The following LHPP variants were observed in gnomAD, a reference collection of about 807,000 sequenced individuals.
The protein encoded by LHPP is phospholysine phosphohistidine inorganic pyrophosphate phosphatase.
Under a neutral mutation model 30.3 loss-of-function variants are expected in LHPP, and 24 were observed. That is an observed-to-expected ratio of 0.79 (90% confidence interval 0.57 to 1.11). The LOEUF is 1.11. Among genes scored for constraint, LHPP ranks in the 50% most tolerant of loss-of-function variants. The pLI, the probability that LHPP is intolerant of heterozygous loss-of-function variation, is 0.00. For missense variants in LHPP, 356 were observed against 367.2 expected (o/e 0.97, Z 0.25); for synonymous variants, 150 against 157.1 (o/e 0.95, Z 0.34).
chr10:124,562,463 G>C (rs933167674), intron 6 of LHPP, among the ~76,000 whole-genome samples: 2 of 152,280 alleles, frequency 1.3e-5, no homozygotes, highest in Non-Finnish European at 1.5e-5. Context: ...GAACTTGAAG[G>C]CAGGAAAATA....
At chr10:124,535,487 G>A (rs1226545566) in intron 6 of LHPP, among the ~76,000 whole-genome samples, 1 of 152,088 alleles carries the variant, frequency 6.6e-6, no homozygotes, top group Non-Finnish European at 1.5e-5. Flanking sequence ...CTGCAGCCTC[G>A]ACTTCTGATG....
chr10:124,542,375 A>G (rs1955218386), intron 6 of LHPP, among the ~76,000 whole-genome samples: 1 of 152,204 alleles, frequency 6.6e-6, no homozygotes, highest in Non-Finnish European at 1.5e-5. Flanking sequence ...CTCCACCTAC[A>G]GGTGAGGGCA....
chr10:124,578,105 C>T (rs936730296), intron 6 of LHPP, among the ~76,000 whole-genome samples: 2 of 152,224 alleles, frequency 1.3e-5, no homozygotes, highest in African/African-American at 2.4e-5. Context: ...CTGAGTCGCT[C>T]TTCCTCCCAT....
chr10:124,513,573 G>A (rs879852768), intron 5 of LHPP, among the ~76,000 whole-genome samples: 6 of 138,278 alleles, frequency 4.3e-5, no homozygotes, highest in South Asian at 2.2e-4. Flanking sequence ...CAAGCAATTC[G>A]TGTGCCTCAG....
At chr10:124,574,107 C>T (rs1163543457) in intron 6 of LHPP, among the ~76,000 whole-genome samples, 1 of 152,130 alleles carries the variant, frequency 6.6e-6, no homozygotes, top group East Asian at 1.9e-4. Flanking sequence ...AGTTCTGCCT[C>T]CCATAGACCA....
chr10:124,597,761 G>A (rs940540377), intron 6 of LHPP, among the ~76,000 whole-genome samples: 4 of 152,214 alleles, frequency 2.6e-5, no homozygotes, highest in Admixed American at 2.6e-4. Context: ...TGTGCCCCTG[G>A]GTGGGGGGTG....
intron 6 of LHPP, among the ~76,000 whole-genome samples, chr10:124,574,876 C>T (rs753196335): frequency 1.3e-5 from 2 of 152,094 alleles, no homozygotes; most frequent in African/African-American, 4.8e-5. Context: ...CCACTGCTGT[C>T]CTTCTCCACT....
rs139368329 is a variant in LHPP at position 124,525,004 on chromosome 10, C to T, written c.716+7733C>T. ...ATCAGCTCCCCAGAAGACCTAGTCC[C>T]TGATTGACATGCCCAGTCCTGCAGA... On this transcript the variant is annotated intron_variant, in intron 6 of 6. Transcript: ENST00000368842. Among the ~76,000 whole-genome samples the T allele has an allele frequency of 3.9e-3, 590 of 152,394 alleles. 7 individuals are homozygous for T. Among genetic ancestry groups the T allele is most frequent in the African/African-American group, 0.013 (544 of 41,592 alleles).
At chr10:124,571,951 T>G (rs1948590006) in intron 6 of LHPP, among the ~76,000 whole-genome samples, 1 of 150,482 alleles carries the variant, frequency 6.6e-6, no homozygotes. Flanking sequence ...GGGGGGTGAG[T>G]GAGGGGTTGG....
chr10:124,504,832 G>A (rs1286113006), intron 5 of LHPP, among the ~76,000 whole-genome samples: 1 of 152,102 alleles, frequency 6.6e-6, no homozygotes, highest in Non-Finnish European at 1.5e-5. Flanking sequence ...CCTCACCGCC[G>A]AAAGAAGACC....
intron 6 of LHPP, among the ~76,000 whole-genome samples, chr10:124,525,946 T>G (rs779231247): frequency 1.3e-5 from 2 of 151,160 alleles, no homozygotes; most frequent in African/African-American, 4.9e-5. Flanking sequence ...AGGAAGGGGG[T>G]CCCAGGTGGA....
intron 5 of LHPP, among the ~76,000 whole-genome samples, chr10:124,501,601 T>TAAA (rs1046422221): frequency 8.6e-6 from 1 of 116,410 alleles, no homozygotes; most frequent in Non-Finnish European, 1.8e-5. Flanking sequence ...GACTCTGTCT[T>TAAA]AAAAAAAAAA....
intron 5 of LHPP, among the ~76,000 whole-genome samples, chr10:124,499,713 T>TCAG (rs2133878619): frequency 6.6e-6 from 1 of 151,992 alleles, no homozygotes; most frequent in South Asian, 2.1e-4. Flanking sequence ...TGCTGCCTCC[T>TCAG]CAGAAGTGGG....
intron 6 of LHPP, among the ~76,000 whole-genome samples, chr10:124,559,833 G>A (rs1331296529): frequency 6.6e-6 from 1 of 152,258 alleles, no homozygotes; most frequent in African/African-American, 2.4e-5. Context: ...TCTGGGGTGT[G>A]TGCCATTGGC....
chr10:124,526,614 C>T (rs546779467), intron 6 of LHPP, among the ~76,000 whole-genome samples: 5 of 152,326 alleles, frequency 3.3e-5, no homozygotes, highest in South Asian at 4.1e-4. Flanking sequence ...CGCCCTCCCC[C>T]GCTTTGGCCC....
chr10:124,502,714 C>T (rs1034178701), intron 5 of LHPP, among the ~76,000 whole-genome samples: 4 of 134,346 alleles, frequency 3.0e-5, no homozygotes, highest in African/African-American at 1.2e-4. Flanking sequence ...CATCCTGTCA[C>T]CCAGGCTGGA....
At chr10:124,549,389 G>A (rs1312812859) in intron 6 of LHPP, among the ~76,000 whole-genome samples, 1 of 151,674 alleles carries the variant, frequency 6.6e-6, no homozygotes. Flanking sequence ...GATTACACCT[G>A]TGAGTAGCCA....
At chr10:124,547,860 C>A (rs1428093908) in intron 6 of LHPP, among the ~76,000 whole-genome samples, 1 of 152,248 alleles carries the variant, frequency 6.6e-6, no homozygotes, top group Non-Finnish European at 1.5e-5. Flanking sequence ...ATTGCATAAT[C>A]TCAGATGCTG....
chr10:124,470,681 C>CAATAATAATAAT (rs71026092), intron 1 of LHPP, among the ~76,000 whole-genome samples: 14 of 150,890 alleles, frequency 9.3e-5, no homozygotes, highest in South Asian at 4.2e-4. Context: ...ACAACAACAA[C>CAATAATAATAAT]AATAATAATA....
Sources: allele counts gnomAD v4.1 joint callset (sites outside exome capture counted in the v4.1 genomes callset), GRCh38; gene constraint gnomAD v4.1.1; transcripts MANE v1.5; gene names NCBI Gene and HGNC (gene_info 2026-07-23, HGNC 2026-07-21).